The following CNTN4 variants were observed in gnomAD, a reference collection of about 807,000 sequenced individuals.
CNTN4 encodes the protein contactin-4.
In CNTN4, 77 loss-of-function variants were observed where a neutral mutation model predicts 122.5. The ratio of observed to expected loss-of-function variants is 0.63; its 90% confidence interval spans 0.52 to 0.76. The LOEUF is 0.76. CNTN4 is among the 30% of genes least tolerant of loss of function. CNTN4 has a pLI of 0.00. For synonymous variants in CNTN4, 512 were observed against 447.0 expected (o/e 1.15, Z -1.83); for missense variants, 1,256 against 1,259.1 (o/e 1.00, Z 0.04).
intron 4 of CNTN4, among the ~76,000 whole-genome samples, chr3:2,594,095 C>A (rs369500923): frequency 6.6e-6 from 1 of 152,124 alleles, no homozygotes; most frequent in Non-Finnish European, 1.5e-5. Flanking sequence ...ATTCAAGATA[C>A]GTTTTACAAG....
At chr3:2,321,581 T>C (rs1291185323) in intron 2 of CNTN4, among the ~76,000 whole-genome samples, 2 of 152,100 alleles carry the variant, frequency 1.3e-5, no homozygotes, top group African/African-American at 4.8e-5. Flanking sequence ...ACTATTATTT[T>C]ATTATTTTTT....
At chr3:2,279,060 A>G (rs558285329) in intron 2 of CNTN4, among the ~76,000 whole-genome samples, 3 of 152,078 alleles carry the variant, frequency 2.0e-5, no homozygotes, top group African/African-American at 7.3e-5. Context: ...TACCTTCCAC[A>G]TAAGCTTAAT....
intron 3 of CNTN4, among the ~76,000 whole-genome samples, chr3:2,343,104 AAT>A (rs1575418880): frequency 1.3e-5 from 2 of 152,228 alleles, no homozygotes; most frequent in East Asian, 3.9e-4. Context: ...GTAATAAGGA[AAT>A]ATATGTTTTA....
Position 2,682,973 on chromosome 3 carries a change from G to A in CNTN4, c.56-53242G>A, listed in dbSNP as rs1434377645. On this transcript the variant is annotated intron_variant, in intron 4 of 24. Transcript: ENST00000418658. ...ACTCTGAAACTGAAGGAGAGACTGGGACAGACCATACCAATCACTGACCCC... is the reference window on the plus strand; with the variant it reads ...ACTCTGAAACTGAAGGAGAGACTGGAACAGACCATACCAATCACTGACCCC... Among the ~76,000 whole-genome samples, 5 of 152,222 alleles carry A rather than the reference G, an allele frequency of 3.3e-5. No homozygotes were observed. The South Asian group carries it at 6.2e-4, about 19-fold the overall frequency.
chr3:2,298,611 A>G (rs2042395053), intron 2 of CNTN4, among the ~76,000 whole-genome samples: 1 of 152,164 alleles, frequency 6.6e-6, no homozygotes, highest in Non-Finnish European at 1.5e-5. Context: ...TCTTTGGTAC[A>G]TTCATATTAA....
intron 3 of CNTN4, among the ~76,000 whole-genome samples, chr3:2,386,976 C>T (rs1276834236): frequency 6.6e-6 from 1 of 152,148 alleles, no homozygotes; most frequent in Non-Finnish European, 1.5e-5. Flanking sequence ...GTTGGCTTTG[C>T]ATCTTTACTT....
intron 3 of CNTN4, among the ~76,000 whole-genome samples, chr3:2,533,568 C>T (rs1277902615): frequency 1.3e-5 from 2 of 152,142 alleles, no homozygotes; most frequent in Admixed American, 1.3e-4. Flanking sequence ...CAAGTCTTTG[C>T]TATTGTGAAT....
intron 2 of CNTN4, among the ~76,000 whole-genome samples, chr3:2,313,232 G>C (rs1193002811): frequency 6.6e-6 from 1 of 151,634 alleles, no homozygotes; most frequent in East Asian, 1.9e-4. Context: ...GTCTTGTACA[G>C]AAAAACAAAA....
intron 4 of CNTN4, among the ~76,000 whole-genome samples, chr3:2,615,862 C>T (rs1378019425): frequency 1.3e-5 from 2 of 152,102 alleles, no homozygotes; most frequent in African/African-American, 4.8e-5. Context: ...GTGTTTCCAA[C>T]CATCTGCTAC....
At chr3:2,326,439 C>T (rs1209421609) in intron 2 of CNTN4, among the ~76,000 whole-genome samples, 1 of 151,386 alleles carries the variant, frequency 6.6e-6, no homozygotes, top group Non-Finnish European at 1.5e-5. Context: ...GATTTTGGGA[C>T]TTGTCAGCCT....
chr3:2,188,029 G>T (rs1481948057), intron 2 of CNTN4, among the ~76,000 whole-genome samples: 1 of 152,118 alleles, frequency 6.6e-6, no homozygotes, highest in African/African-American at 2.4e-5. Flanking sequence ...AAAAAAGTGG[G>T]TTTGCTATAC....
chr3:2,340,491 G>T (rs1409742835), intron 3 of CNTN4, among the ~76,000 whole-genome samples: 1 of 150,810 alleles, frequency 6.6e-6, no homozygotes, highest in Non-Finnish European at 1.5e-5. Context: ...TAATAATCCT[G>T]GACATCAGTG....
intron 3 of CNTN4, among the ~76,000 whole-genome samples, chr3:2,354,718 G>GA (rs534888762): frequency 4.1e-4 from 61 of 149,746 alleles, no homozygotes; most frequent in East Asian, 9.8e-4. Flanking sequence ...TGGTATTGCA[G>GA]AAAAAAAAAA....
chr3:2,588,164 G>A (rs1361603917), intron 4 of CNTN4, among the ~76,000 whole-genome samples: 2 of 152,066 alleles, frequency 1.3e-5, no homozygotes, highest in Non-Finnish European at 2.9e-5. Context: ...AGAAACAAAT[G>A]TATTAAAGCC....
chr3:2,389,663 T>G (rs1371720731), intron 3 of CNTN4, among the ~76,000 whole-genome samples: 1 of 152,188 alleles, frequency 6.6e-6, no homozygotes, highest in Non-Finnish European at 1.5e-5. Flanking sequence ...CTTATCTATC[T>G]CCTTCATTGA....
At chr3:2,520,580 T>C (rs1382335409) in intron 3 of CNTN4, among the ~76,000 whole-genome samples, 1 of 151,984 alleles carries the variant, frequency 6.6e-6, no homozygotes. Context: ...AGCCCTTTTT[T>C]CCTTTTTTAA....
In CNTN4 at chr3:2,745,716, A is replaced by G. The variant is rs184754193; in HGVS notation, c.358+19A>G. 13 of 1,609,122 alleles carry G rather than the reference A, an allele frequency of 8.1e-6. No individual in the cohort carries two copies. The African/African-American group carries it at 1.1e-4, about 13-fold the overall frequency. On this transcript the variant is annotated intron_variant, in intron 6 of 24. Transcript: ENST00000418658. ...TTTGCTTGTAAGTAGCAATTATACA[A>G]TGCTGCAAATGTTGCTTTCAGTTTG...
chr3:2,796,532 C>T (rs1317745620), intron 6 of CNTN4, among the ~76,000 whole-genome samples: 1 of 152,050 alleles, frequency 6.6e-6, no homozygotes, highest in Non-Finnish European at 1.5e-5. Flanking sequence ...AAAAATAAAA[C>T]CCGTACTTAA....
intron 2 of CNTN4, among the ~76,000 whole-genome samples, chr3:2,241,853 G>A (rs540244120): frequency 6.6e-6 from 1 of 152,132 alleles, no homozygotes; most frequent in Non-Finnish European, 1.5e-5. Context: ...GATTTTTCCT[G>A]AGTGTTGTGT....
Sources: allele counts gnomAD v4.1 joint callset (sites outside exome capture counted in the v4.1 genomes callset), GRCh38; gene constraint gnomAD v4.1.1; transcripts MANE v1.5; gene names NCBI Gene and HGNC (gene_info 2026-07-23, HGNC 2026-07-21).